The following BIRC6 variants were observed in gnomAD, a reference collection of about 807,000 sequenced individuals.
The protein encoded by BIRC6 is baculoviral IAP repeat containing 6.
A neutral mutation model predicts 503.3 loss-of-function variants in BIRC6; 98 were observed. The ratio of observed to expected loss-of-function variants is 0.19; its 90% CI spans 0.17 to 0.23. The LOEUF is 0.23. BIRC6 is among the 10% of genes least tolerant of loss of function. BIRC6 has a pLI of 1.00. For missense variants in BIRC6, 5,360 were observed against 5,806.0 expected (o/e 0.92, Z 2.50); for synonymous variants, 2,240 against 2,078.7 (o/e 1.08, Z -2.11).
intron 57 of BIRC6, among the ~76,000 whole-genome samples, chr2:32,521,434 A>G (rs1484476941): frequency 6.7e-6 from 1 of 148,778 alleles, no homozygotes; most frequent in Non-Finnish European, 1.5e-5. Context: ...CCAAAAAGGA[A>G]GTGACCTATT....
At chr2:32,483,025 C>T (rs1463558609) in intron 39 of BIRC6, among the ~76,000 whole-genome samples, 1 of 151,336 alleles carries the variant, frequency 6.6e-6, no homozygotes, top group East Asian at 1.9e-4. Flanking sequence ...CGAGGGGCTT[C>T]TCTTGCCTCA....
At chr2:32,400,289 TA>T (rs1049211860) in intron 6 of BIRC6, among the ~76,000 whole-genome samples, 1 of 151,738 alleles carries the variant, frequency 6.6e-6, no homozygotes, top group Non-Finnish European at 1.5e-5. Flanking sequence ...TCTGTGTTCT[TA>T]ATATATATTA....
intron 9 of BIRC6, among the ~76,000 whole-genome samples, chr2:32,414,395 G>T (rs2042207524): frequency 6.6e-6 from 1 of 152,132 alleles, no homozygotes; most frequent in African/African-American, 2.4e-5. Context: ...GGCCAGGCGT[G>T]GTGGCTCACG....
At chr2:32,510,066 G>A (rs931568453) in intron 52 of BIRC6, 72 bp downstream of exon 52, 56 of 1,505,298 alleles carry the variant, frequency 3.7e-5, no homozygotes, top group Non-Finnish European at 4.6e-5. Context: ...TGCGATCTTC[G>A]TGCTTAACTC....
chr2:32,447,437 C>T (rs1459063124), intron 21 of BIRC6, among the ~76,000 whole-genome samples: 1 of 149,016 alleles, frequency 6.7e-6, no homozygotes, highest in Non-Finnish European at 1.5e-5. Flanking sequence ...GGGGCTGACC[C>T]CCCACCTCCC....
In BIRC6 at chr2:32,490,123, A is replaced by C; in HGVS notation, c.8178A>C (p.Leu2726=). The C allele has an allele frequency of 6.2e-7, 1 of 1,611,226 alleles. No individual in the cohort carries two copies. The highest frequency in any genetic ancestry group is 8.5e-7 in the Non-Finnish European group (1 of 1,177,378). Residue 2726 remains leucine (L), a synonymous_variant, in exon 43 of 74, where the codon CTA becomes CTC. Coordinates refer to ENST00000421745, the MANE Select transcript of BIRC6 (RefSeq NM_016252.4). ...LRTWCLVLHS[L]TLMTNMQLNS... The stretch of plus-strand genomic sequence containing the variant: ...CATGGTGCCTTGTGCTTCATAGCCT[A>C]ACACTCATGACAAACATGCAGCTTA...
intron 66 of BIRC6, among the ~76,000 whole-genome samples, chr2:32,585,074 G>A (rs923149340): frequency 5.3e-5 from 8 of 151,988 alleles, no homozygotes; most frequent in African/African-American, 1.9e-4. Flanking sequence ...TGGGGTTTAG[G>A]CCTATAAAGA....
intron 1 of BIRC6, among the ~76,000 whole-genome samples, chr2:32,372,272 C>G (rs1184749941): frequency 1.3e-5 from 2 of 152,254 alleles, no homozygotes; most frequent in Admixed American, 1.3e-4. Context: ...TGAAAAAATT[C>G]CCTGTGGTAT....
At chr2:32,446,790 T>C in intron 21 of BIRC6, among the ~76,000 whole-genome samples, 1 of 123,132 alleles carries the variant, frequency 8.1e-6, no homozygotes. Context: ...TTCTTGGGTG[T>C]TTCTCGCAGA....
intron 45 of BIRC6, among the ~76,000 whole-genome samples, chr2:32,495,426 T>C (rs1298128711): frequency 1.3e-5 from 2 of 152,202 alleles, no homozygotes; most frequent in Non-Finnish European, 2.9e-5. Context: ...AAGGCTCTGG[T>C]ATTCTGTGAA....
At chr2:32,370,086 C>T (rs539745874) in intron 1 of BIRC6, among the ~76,000 whole-genome samples, 16 of 147,896 alleles carry the variant, frequency 1.1e-4, no homozygotes, top group South Asian at 2.1e-4. Context: ...ACACACAGCA[C>T]GCACGGGTGT....
intron 66 of BIRC6, among the ~76,000 whole-genome samples, chr2:32,577,837 A>G (rs190811845): frequency 1.3e-5 from 2 of 152,334 alleles, no homozygotes; most frequent in African/African-American, 4.8e-5. Flanking sequence ...GATTAACCGG[A>G]TGAAATTATT....
chr2:32,536,194 G>T (rs372261780), intron 61 of BIRC6, among the ~76,000 whole-genome samples: 18 of 152,056 alleles, frequency 1.2e-4, no homozygotes, highest in South Asian at 6.2e-4. Context: ...TCATTGTAGA[G>T]TCTGGATATT....
chr2:32,577,053 C>T (rs905004410), intron 66 of BIRC6, among the ~76,000 whole-genome samples: 5 of 151,948 alleles, frequency 3.3e-5, no homozygotes, highest in Non-Finnish European at 7.4e-5. Flanking sequence ...CACTGGTAAC[C>T]AAGGAAGCTA....
Position 32,377,791 on chromosome 2 carries a change from T to C in BIRC6, c.507+22T>C, listed in dbSNP as rs758363922. 29 of 1,588,738 alleles carry C rather than the reference T, an allele frequency of 1.8e-5. No individual in the cohort carries two copies. In the South Asian group the frequency reaches 3.2e-4, roughly 17 times the overall value. On this transcript the variant is annotated intron_variant, in intron 2 of 73. Coordinates refer to ENST00000421745, the MANE Select transcript of BIRC6 (RefSeq NM_016252.4). ...AGAGGTAAGTTGAAATAAGTATCAATGTGGTCCTCTACTTAATGTAATCTT... is the reference window on the plus strand; with the variant it reads ...AGAGGTAAGTTGAAATAAGTATCAACGTGGTCCTCTACTTAATGTAATCTT...
At chr2:32,480,842 A>G (rs2050320983) in intron 37 of BIRC6, among the ~76,000 whole-genome samples, 1 of 151,664 alleles carries the variant, frequency 6.6e-6, no homozygotes, top group Non-Finnish European at 1.5e-5. Context: ...GGGTTCTGCC[A>G]TGTTGGTCAG....
At chr2:32,454,536 G>A (rs2047037875) in intron 23 of BIRC6, among the ~76,000 whole-genome samples, 1 of 150,760 alleles carries the variant, frequency 6.6e-6, no homozygotes. Flanking sequence ...TACTTCTATT[G>A]CAGCATAAAT....
At chr2:32,599,021 C>CAAAAAAAA (rs35744882) in intron 69 of BIRC6, among the ~76,000 whole-genome samples, 2 of 27,818 alleles carry the variant, frequency 7.2e-5, no homozygotes, top group African/African-American at 1.5e-4. Flanking sequence ...AACTCCATCT[C>CAAAAAAAA]AAAAAAAAAA....
chr2:32,495,137 G>T (rs1430820334), intron 45 of BIRC6, among the ~76,000 whole-genome samples: 1 of 152,088 alleles, frequency 6.6e-6, no homozygotes, highest in Admixed American at 6.6e-5. Flanking sequence ...AGCATAATCC[G>T]ATCCACAGAG....
Sources: allele counts gnomAD v4.1 joint callset (sites outside exome capture counted in the v4.1 genomes callset), GRCh38; gene constraint gnomAD v4.1.1; transcripts MANE v1.5; gene names NCBI Gene and HGNC (gene_info 2026-07-23, HGNC 2026-07-21).